The following CALD1 variants were observed in gnomAD, a reference collection of about 807,000 sequenced individuals.
The protein encoded by CALD1 is caldesmon 1.
CALD1 carries 33 observed loss-of-function variants against 99.9 expected under a neutral mutation model. The observed-to-expected ratio is 0.33, with a 90% CI of 0.25 to 0.44. CALD1 has a LOEUF of 0.44. CALD1 is among the 20% of genes least tolerant of loss of function. CALD1 has a pLI of 1.00. For missense variants in CALD1, 861 were observed against 962.1 expected, an observed-to-expected ratio of 0.89 and a Z score of 1.39; for synonymous variants, 310 against 325.0, an observed-to-expected ratio of 0.95 and a Z score of 0.50.
intron 1 of CALD1, among the ~76,000 whole-genome samples, chr7:134,816,878 T>G (rs756571211): frequency 1.3e-5 from 2 of 152,216 alleles, no homozygotes; most frequent in African/African-American, 2.4e-5. Flanking sequence ...TTCTTGAACT[T>G]CTCTTGTGAA....
chr7:134,717,201 A>T, the CALD1 span, among the ~76,000 whole-genome samples: 1 of 152,322 alleles, frequency 6.6e-6, no homozygotes, highest in African/African-American at 2.4e-5. Context: ...CAAAACCAAT[A>T]ATGCTATTAT....
At chr7:134,874,677 G>C (rs1023871108) in intron 3 of CALD1, among the ~76,000 whole-genome samples, 1 of 152,288 alleles carries the variant, frequency 6.6e-6, no homozygotes, top group East Asian at 1.9e-4. Flanking sequence ...GTAGAGTTAC[G>C]TTATCAGATT....
intron 1 of CALD1, among the ~76,000 whole-genome samples, chr7:134,833,841 T>A: frequency 6.6e-6 from 1 of 152,096 alleles, no homozygotes; most frequent in East Asian, 1.9e-4. Flanking sequence ...GGAAATAGAA[T>A]CCCAAGCGGG....
chr7:134,860,353 A>G (rs1800510953), intron 2 of CALD1, among the ~76,000 whole-genome samples: 1 of 152,224 alleles, frequency 6.6e-6, no homozygotes, highest in African/African-American at 2.4e-5. Context: ...AAAGAACAAA[A>G]GTTCATTTGG....
At chr7:134,823,934 C>A (rs1010445145) in intron 1 of CALD1, among the ~76,000 whole-genome samples, 3 of 152,006 alleles carry the variant, frequency 2.0e-5, no homozygotes, top group Non-Finnish European at 4.4e-5. Context: ...AAAGAACATG[C>A]CATATGATTT....
At chr7:134,956,486 C>T (rs1807782421) in intron 9 of CALD1, among the ~76,000 whole-genome samples, 1 of 152,166 alleles carries the variant, frequency 6.6e-6, no homozygotes. Context: ...CTTATTTGCT[C>T]CCTCTCTATT....
chr7:134,828,137 C>T (rs192263928), intron 1 of CALD1, among the ~76,000 whole-genome samples: 1 of 152,316 alleles, frequency 6.6e-6, no homozygotes, highest in Admixed American at 6.5e-5. Flanking sequence ...GCAATCCTCA[C>T]TCTGTTCCAG....
rs181179258 is a variant in CALD1, at chr7:134,783,991, C to A, written c.-130+4242C>A. On this transcript the variant is annotated intron_variant, in intron 1 of 14. Transcript: ENST00000361675. This position sits in a 1 kb window ranked among gnomAD's most constrained non-coding sequence, Gnocchi z 4.3. The stretch of plus-strand genomic sequence containing the variant: ...CCAGGAATGGCTGCTATTAAGTGTA[C>A]GTAAAAAGAACACCCAGAAGTTAAT... 6.6e-6 allele frequency among the ~76,000 whole-genome samples: 1 copy of A among 151,970 alleles called. No homozygotes were observed. The highest frequency in any genetic ancestry group is 2.4e-5 in the African/African-American group (1 of 41,370).
At chr7:134,808,123 C>T (rs567085528) in intron 1 of CALD1, among the ~76,000 whole-genome samples, 13 of 146,368 alleles carry the variant, frequency 8.9e-5, no homozygotes, top group Non-Finnish European at 1.6e-4. Context: ...TTTTTTGAGA[C>T]AGGGTCTTAC....
the CALD1 span, among the ~76,000 whole-genome samples, chr7:134,722,251 A>C: frequency 6.6e-6 from 1 of 152,026 alleles, no homozygotes. Context: ...TCCTCCGGCC[A>C]AGTTTCTCTT....
intron 1 of CALD1, among the ~76,000 whole-genome samples, chr7:134,843,387 T>C (rs1275478368): frequency 1.3e-5 from 2 of 152,216 alleles, no homozygotes; most frequent in African/African-American, 4.8e-5. Flanking sequence ...AGGAAAGAGA[T>C]TATCTGAAGA....
intron 3 of CALD1, among the ~76,000 whole-genome samples, chr7:134,884,319 C>T (rs1801748587): frequency 6.6e-6 from 1 of 152,068 alleles, no homozygotes. Context: ...GAAGTGTTTC[C>T]TCATGTCTCC....
At chr7:134,922,127 T>C (rs952447477) in intron 3 of CALD1, among the ~76,000 whole-genome samples, 1 of 152,220 alleles carries the variant, frequency 6.6e-6, no homozygotes, top group Non-Finnish European at 1.5e-5. Context: ...AATCCAAACT[T>C]GATTAACTAT....
intron 1 of CALD1, among the ~76,000 whole-genome samples, chr7:134,795,084 T>C (rs1797696282): frequency 6.6e-6 from 1 of 152,230 alleles, no homozygotes; most frequent in Non-Finnish European, 1.5e-5. Flanking sequence ...GCTGCTCTCG[T>C]CTTTTTTATT....
intron 1 of CALD1, among the ~76,000 whole-genome samples, chr7:134,842,844 G>C (rs1008662): frequency 0.11 from 16,324 of 152,168 alleles, 935 homozygotes; most frequent in Non-Finnish European, 0.11. Flanking sequence ...AGGTTTCCTG[G>C]GGGTTCTAAG....
chr7:134,749,103 G>A (rs1313349205), intron 1 of CALD1, among the ~76,000 whole-genome samples: 2 of 152,204 alleles, frequency 1.3e-5, no homozygotes, highest in African/African-American at 2.4e-5. Flanking sequence ...ATAGTATTGT[G>A]TTGTGGCAGC....
intron 3 of CALD1, among the ~76,000 whole-genome samples, chr7:134,886,770 T>TG (rs1801872334): frequency 6.6e-6 from 1 of 152,216 alleles, no homozygotes; most frequent in African/African-American, 2.4e-5. Context: ...ACTGGGACCT[T>TG]GATCACAGGA....
upstream of CALD1, among the ~76,000 whole-genome samples, chr7:134,740,221 A>C (rs1796581635): frequency 6.6e-6 from 1 of 152,166 alleles, no homozygotes; most frequent in Admixed American, 6.5e-5. Flanking sequence ...CATTTTGGTC[A>C]ACATTTGAAT....
Position 134,933,664 on chromosome 7 carries a change from G to T in CALD1, c.895G>T (p.Glu299Ter). ...ADERARIEAE[E>*]KAAAQERERR... Reference sequence around the variant, plus strand: ...TGAACGAGCAAGAATTGAAGCAGAAGAAAAAGCAGCTGCCCAAGAAAGAGA... The same window carrying T: ...TGAACGAGCAAGAATTGAAGCAGAATAAAAAGCAGCTGCCCAAGAAAGAGA... Residue 299 changes from glutamate (E) to a stop codon, truncating the protein, a stop_gained, in exon 5 of 15, where the codon GAA becomes TAA. Coordinates refer to ENST00000361675, the MANE Select transcript of CALD1 (RefSeq NM_033138.4). LOFTEE classifies it high-confidence loss of function. The T allele has an allele frequency of 6.2e-7, 1 of 1,600,114 alleles. No homozygotes were observed. Among genetic ancestry groups the T allele is most frequent in the Non-Finnish European group, 8.5e-7 (1 of 1,172,638 alleles).
Sources: allele counts gnomAD v4.1 joint callset (sites outside exome capture counted in the v4.1 genomes callset), GRCh38; gene constraint gnomAD v4.1.1; non-coding constraint Gnocchi (gnomAD v3.1); transcripts MANE v1.5; gene names NCBI Gene and HGNC (gene_info 2026-07-23, HGNC 2026-07-21).